Variants in AATF observed in about 807,000 individuals in gnomAD.
AATF encodes the protein apoptosis antagonizing transcription factor, also known as protein AATF.
Under a neutral mutation model 63.7 loss-of-function variants are expected in AATF, and 48 were observed. That is an observed-to-expected ratio of 0.75 (90% CI 0.60 to 0.96). AATF has a LOEUF of 0.96. Ranked by LOEUF, AATF falls within the 40% of genes least tolerant of loss-of-function variation. The pLI, the probability that AATF is intolerant of heterozygous loss-of-function variation, is 0.00. For synonymous variants in AATF, 258 were observed against 247.7 expected, an observed-to-expected ratio of 1.04 and a Z score of -0.39; for missense variants, 639 against 685.7, an observed-to-expected ratio of 0.93 and a Z score of 0.76.
Position 36,989,347 on chromosome 17 carries a change from A to G in AATF, c.1250A>G (p.Tyr417Cys), listed in dbSNP as rs749657961. ...LRRTQTKRSVYRVLGKPEPAA... is the reference protein window; with the variant it reads ...LRRTQTKRSVCRVLGKPEPAA... ...AGGACACAGACCAAGCGCTCTGTCT[A>G]TCGAGTTCTTGGCAAACCTGAGCCA... Residue 417 changes from tyrosine to cysteine, a missense_variant, in exon 7 of 12, where the codon TAT (tyrosine) becomes TGT (cysteine). Transcript: ENST00000619387. 5.6e-6 allele frequency: 9 copies of G among 1,614,002 alleles called. No homozygotes were observed. The East Asian group carries it at 6.7e-5, about 12-fold the overall frequency.
intron 9 of AATF, among the ~76,000 whole-genome samples, chr17:37,019,803 A>G (rs899909235): frequency 6.6e-6 from 1 of 152,222 alleles, no homozygotes; most frequent in Non-Finnish European, 1.5e-5. Flanking sequence ...TAAGTAAAAT[A>G]TTATGTGAAT....
intron 4 of AATF, among the ~76,000 whole-genome samples, chr17:36,974,457 C>A (rs2071064623): frequency 1.3e-5 from 2 of 152,190 alleles, no homozygotes; most frequent in South Asian, 4.2e-4. Flanking sequence ...ATTAGTAAAT[C>A]TTTACTCATA....
In AATF at chr17:37,042,739, T is replaced by C. The variant is rs1014706543; in HGVS notation, c.1619+11054T>C. 1.5e-4 allele frequency among the ~76,000 whole-genome samples: 22 copies of C among 145,214 alleles called. 1 individual carries two copies. The highest frequency in any genetic ancestry group is 5.0e-4 in the African/African-American group (20 of 39,712). On this transcript the variant is annotated intron_variant, in intron 11 of 11. Transcript: ENST00000619387. ...CCTGGCCTTTTAATTTTTTCTTTCT[T>C]TTTTTTTTTTTTTTCTTTTTGAGAC... is the stretch of plus-strand genomic sequence containing the variant.
At chr17:37,041,245 C>A (rs1567994349) in intron 11 of AATF, among the ~76,000 whole-genome samples, 1 of 152,070 alleles carries the variant, frequency 6.6e-6, no homozygotes, top group Non-Finnish European at 1.5e-5. Context: ...ATTTTAATAA[C>A]CTAATAATCT....
Position 36,988,522 on chromosome 17 carries a change from G to A in AATF, c.951G>A (p.Glu317=). 6.2e-7 allele frequency: 1 copy of A among 1,613,872 alleles called. No individual in the cohort carries two copies. Among genetic ancestry groups the A allele is most frequent in the Non-Finnish European group, 8.5e-7 (1 of 1,179,934 alleles). Residue 317 remains glutamate, a synonymous_variant, in exon 6 of 12, where the codon GAG becomes GAA. Transcript: ENST00000619387. The stretch of plus-strand genomic sequence containing the variant: ...AATATTCTTACTGCTTTTCTAGTGA[G>A]GAGATTTCTAGTGAAGATGATGAGC... ...VDGTKPNAGS[E]EISSEDDELV... is the part of the protein sequence containing the mutation.
chr17:36,986,982 A>G (rs551684117), intron 5 of AATF, among the ~76,000 whole-genome samples: 2 of 152,254 alleles, frequency 1.3e-5, no homozygotes, highest in East Asian at 3.9e-4. Context: ...TTGGAATTAG[A>G]AGATAAAAGC....
chr17:36,973,482 T>C (rs1457424387), intron 4 of AATF, among the ~76,000 whole-genome samples: 1 of 152,142 alleles, frequency 6.6e-6, no homozygotes, highest in Non-Finnish European at 1.5e-5. Flanking sequence ...TGAAGAAACA[T>C]AGATATGGAA....
At chr17:37,024,026 A>G (rs76615858) in intron 10 of AATF, among the ~76,000 whole-genome samples, 2,176 of 152,342 alleles carry the variant, frequency 0.014, 29 homozygotes, top group Non-Finnish European at 0.024. Flanking sequence ...GTTTAGAATA[A>G]TAAGAAAAAA....
At chr17:37,009,841 A>C (rs946549075) in intron 8 of AATF, among the ~76,000 whole-genome samples, 3 of 150,828 alleles carry the variant, frequency 2.0e-5, no homozygotes, top group African/African-American at 2.4e-5. Flanking sequence ...AAAAAAAAAA[A>C]AAAAAAAAAC....
intron 4 of AATF, among the ~76,000 whole-genome samples, chr17:36,961,182 T>C (rs2070944181): frequency 6.6e-6 from 1 of 152,250 alleles, no homozygotes; most frequent in Non-Finnish European, 1.5e-5. Context: ...AGTATTCCTT[T>C]TTATAGATTT....
chr17:37,037,005 T>A (rs978815009), intron 11 of AATF, among the ~76,000 whole-genome samples: 1 of 146,148 alleles, frequency 6.8e-6, no homozygotes, highest in Non-Finnish European at 1.5e-5. Context: ...CAGCATCATC[T>A]TTTTGTTTTT....
chr17:37,048,435 A>G (rs551321431), intron 11 of AATF, among the ~76,000 whole-genome samples: 2 of 141,894 alleles, frequency 1.4e-5, no homozygotes, highest in African/African-American at 2.7e-5. Flanking sequence ...CAATGGCACA[A>G]TCTCGGCTCA....
At chr17:36,981,321 A>AAT (rs1469739600) in intron 4 of AATF, among the ~76,000 whole-genome samples, 2 of 152,142 alleles carry the variant, frequency 1.3e-5, no homozygotes, top group African/African-American at 4.8e-5. Flanking sequence ...AGCTATAAAT[A>AAT]ATATAGACTG....
At chr17:36,993,772 G>A (rs1475453285) in intron 8 of AATF, among the ~76,000 whole-genome samples, 1 of 152,046 alleles carries the variant, frequency 6.6e-6, no homozygotes, top group Non-Finnish European at 1.5e-5. Context: ...AGAGATTATA[G>A]CCACATTGAA....
In AATF at chr17:36,967,711, A is replaced by G. The variant is rs191069469; in HGVS notation, c.832+13804A>G. 2.6e-5 allele frequency among the ~76,000 whole-genome samples: 4 copies of G among 152,178 alleles called. No individual in the cohort carries two copies. The East Asian group carries it at 5.8e-4, about 22-fold the overall frequency. On this transcript the variant is annotated intron_variant, in intron 4 of 11. Transcript: ENST00000619387. The stretch of plus-strand genomic sequence containing the variant: ...CTGAGAAGGGGTGTGTGGGAGGTAA[A>G]TTTTTTTAGACTTCAGTTGTCTTAA...
Position 36,953,018 on chromosome 17 carries a change from G to A in AATF, c.416G>A (p.Ser139Asn). ...GGTGATCACAGGGAGAGCAAGAAGA[G>A]CAGAAGCCACTCTGCAAAAACACCG... ...ECGDHRESKK[S>N]RSHSAKTPGF... The change falls in exon 3 of 12, where the codon AGC becomes AAC. Residue 139 changes from serine to asparagine, a missense_variant. Physicochemically the swap from Ser to Asn is conservative, Grantham distance 46 (BLOSUM62 1). Transcript: ENST00000619387. 6.2e-7 allele frequency: 1 copy of A among 1,614,152 alleles called. No individual in the cohort carries two copies. The highest frequency in any genetic ancestry group is 8.5e-7 in the Non-Finnish European group (1 of 1,180,034).
chr17:37,040,464 C>A (rs1279738858), intron 11 of AATF, among the ~76,000 whole-genome samples: 3 of 13,826 alleles, frequency 2.2e-4, no homozygotes, highest in African/African-American at 7.2e-4. Flanking sequence ...TTCATTTGTT[C>A]CTCATTTAAA....
intron 11 of AATF, among the ~76,000 whole-genome samples, chr17:37,050,673 G>T (rs900583783): frequency 3.9e-5 from 6 of 152,202 alleles, no homozygotes; most frequent in Non-Finnish European, 5.9e-5. Context: ...GTGCTGCTAT[G>T]ATTGGAACCC....
chr17:37,040,778 T>C (rs2071632248), intron 11 of AATF, among the ~76,000 whole-genome samples: 1 of 148,718 alleles, frequency 6.7e-6, no homozygotes, highest in Non-Finnish European at 1.5e-5. Flanking sequence ...ATAGGAGAGA[T>C]GCTTTCTATA....
Sources: allele counts gnomAD v4.1 joint callset (sites outside exome capture counted in the v4.1 genomes callset), GRCh38; gene constraint gnomAD v4.1.1; transcripts MANE v1.5; gene names NCBI Gene and HGNC (gene_info 2026-07-23, HGNC 2026-07-21).